Variants in LRP1B observed in about 807,000 individuals in gnomAD.
LRP1B encodes the protein LDL receptor related protein 1B.
Under a neutral mutation model 556.6 loss-of-function variants are expected in LRP1B, and 217 were observed. That is an observed-to-expected ratio of 0.39 (90% CI 0.35 to 0.44). The LOEUF (loss-of-function observed/expected upper bound fraction) is 0.44. LRP1B is among the 20% of genes least tolerant of loss of function. The pLI, the probability that LRP1B is intolerant of heterozygous loss-of-function variation, is 1.00. For missense variants in LRP1B, 5,053 were observed against 5,620.8 expected, an observed-to-expected ratio of 0.90 and a Z score of 3.23; for synonymous variants, 2,047 against 1,865.8, an observed-to-expected ratio of 1.10 and a Z score of -2.50.
chr2:141,900,823 C>T (rs1433861539), intron 1 of LRP1B, among the ~76,000 whole-genome samples: 1 of 151,880 alleles, frequency 6.6e-6, no homozygotes, highest in Non-Finnish European at 1.5e-5. Flanking sequence ...TGTCAATAGT[C>T]CCTTTATAAA....
At chr2:140,549,492 T>C (rs2105043900) in intron 43 of LRP1B, among the ~76,000 whole-genome samples, 1 of 152,312 alleles carries the variant, frequency 6.6e-6, no homozygotes, top group African/African-American at 2.4e-5. Flanking sequence ...ACAGCCTATC[T>C]GTCCAACTCA....
At chr2:141,017,764 G>A (rs1697948371) in intron 12 of LRP1B, among the ~76,000 whole-genome samples, 1 of 151,750 alleles carries the variant, frequency 6.6e-6, no homozygotes, top group Non-Finnish European at 1.5e-5. Context: ...GGAGGCTGAG[G>A]CAAGCGAATT....
chr2:140,750,991 CTTTT>C (rs562658619), intron 35 of LRP1B, among the ~76,000 whole-genome samples: 3 of 98,108 alleles, frequency 3.1e-5, no homozygotes, highest in Non-Finnish European at 4.1e-5. Flanking sequence ...CTTTTTTTTT[CTTTT>C]TTTTTTTTTT....
chr2:141,454,439 C>T (rs995609210), intron 3 of LRP1B, among the ~76,000 whole-genome samples: 3 of 152,132 alleles, frequency 2.0e-5, no homozygotes, highest in Middle Eastern at 3.2e-3. Context: ...TCCTTCCCTG[C>T]GTGCACTGCC....
At chr2:142,080,105 A>G (rs889495224) in intron 1 of LRP1B, among the ~76,000 whole-genome samples, 9 of 152,118 alleles carry the variant, frequency 5.9e-5, no homozygotes, top group Non-Finnish European at 1.2e-4. Context: ...GGTTAAAAAA[A>G]AAAACCCCAC....
chr2:140,560,638 G>T (rs1347410289), intron 43 of LRP1B, among the ~76,000 whole-genome samples: 3 of 152,086 alleles, frequency 2.0e-5, no homozygotes, highest in South Asian at 2.1e-4. Context: ...ATAAGTTATT[G>T]TATGCTTGCC....
At chr2:141,002,012 T>A (rs1389739890) in intron 15 of LRP1B, among the ~76,000 whole-genome samples, 1 of 152,110 alleles carries the variant, frequency 6.6e-6, no homozygotes, top group Non-Finnish European at 1.5e-5. Flanking sequence ...TTTAAGTTGT[T>A]CAAAGTCATG....
At chr2:140,411,670 G>A (rs945594988) in intron 66 of LRP1B, among the ~76,000 whole-genome samples, 1 of 151,976 alleles carries the variant, frequency 6.6e-6, no homozygotes, top group Non-Finnish European at 1.5e-5. Flanking sequence ...ACTGGATCCA[G>A]GCAGACTTCT....
chr2:141,305,757 T>C (rs374357176), intron 3 of LRP1B, among the ~76,000 whole-genome samples: 1 of 152,212 alleles, frequency 6.6e-6, no homozygotes, highest in East Asian at 1.9e-4. Context: ...TGTTGATGTA[T>C]GTTCCTTCTA....
chr2:141,590,105 A>C (rs937262448), intron 2 of LRP1B, among the ~76,000 whole-genome samples: 2 of 152,084 alleles, frequency 1.3e-5, no homozygotes, highest in Non-Finnish European at 2.9e-5. Flanking sequence ...AGAAAAAAAA[A>C]TGGTTATTTT....
intron 3 of LRP1B, among the ~76,000 whole-genome samples, chr2:141,409,776 C>T (rs765522767): frequency 1.3e-5 from 2 of 151,552 alleles, no homozygotes; most frequent in Non-Finnish European, 2.9e-5. Context: ...AATAATTATG[C>T]GAGGGGAGAT....
intron 3 of LRP1B, among the ~76,000 whole-genome samples, chr2:141,409,056 C>T (rs1171713935): frequency 6.6e-6 from 1 of 152,044 alleles, no homozygotes; most frequent in East Asian, 1.9e-4. Context: ...ATTTGCTAGG[C>T]TTATGGCATT....
At chr2:141,154,664 C>T (rs919523770) in intron 7 of LRP1B, among the ~76,000 whole-genome samples, 2 of 151,610 alleles carry the variant, frequency 1.3e-5, no homozygotes, top group African/African-American at 2.4e-5. Context: ...CATTTGGATG[C>T]TCAACAATAA....
intron 20 of LRP1B, among the ~76,000 whole-genome samples, chr2:140,939,522 T>C (rs1278236464): frequency 1.3e-5 from 2 of 148,202 alleles, no homozygotes; most frequent in South Asian, 2.1e-4. Context: ...ATTATAAATA[T>C]ATATTTATAA....
chr2:142,058,796 CT>C (rs1279982086), intron 1 of LRP1B, among the ~76,000 whole-genome samples: 1 of 152,024 alleles, frequency 6.6e-6, no homozygotes, highest in Admixed American at 6.6e-5. Flanking sequence ...ATTCTCTCCC[CT>C]CTCCCCTACC....
intron 2 of LRP1B, among the ~76,000 whole-genome samples, chr2:141,703,788 C>T (rs1472947228): frequency 1.3e-5 from 2 of 151,882 alleles, no homozygotes; most frequent in Non-Finnish European, 2.9e-5. Context: ...AACAGAAACT[C>T]TGGCAGGGGG....
At chr2:141,154,641 T>A (rs1317652505) in intron 7 of LRP1B, among the ~76,000 whole-genome samples, 4 of 151,874 alleles carry the variant, frequency 2.6e-5, no homozygotes, top group African/African-American at 9.7e-5. Context: ...TCTAGATTTT[T>A]TTTTCATTTA....
intron 3 of LRP1B, among the ~76,000 whole-genome samples, chr2:141,434,745 G>A (rs1378897538): frequency 8.2e-6 from 1 of 122,564 alleles, no homozygotes; most frequent in African/African-American, 2.9e-5. Flanking sequence ...TGGTGGTATT[G>A]ATAGGTCAGT....
chr2:140,324,389 A>G (rs1288239809), intron 80 of LRP1B, among the ~76,000 whole-genome samples: 2 of 152,060 alleles, frequency 1.3e-5, no homozygotes, highest in Admixed American at 1.3e-4. Flanking sequence ...AGAAAAGCCA[A>G]TGTTATCTGT....
Sources: gnomAD v4.1 joint callset for allele counts (sites outside exome capture counted in the v4.1 genomes callset) on GRCh38, gnomAD v4.1.1 for gene constraint, MANE v1.5 for transcripts, NCBI Gene and HGNC (gene_info 2026-07-23, HGNC 2026-07-21) for gene names.